Variants in KANSL2 observed in about 807,000 individuals in gnomAD.
The protein encoded by KANSL2 is NSL complex protein NSL2.
In KANSL2, 34 loss-of-function variants were observed where a neutral mutation model predicts 55.6. That is an observed-to-expected ratio of 0.61 (90% CI 0.46 to 0.81). The LOEUF is 0.81. Ranked by LOEUF, KANSL2 falls within the 40% of genes least tolerant of loss-of-function variation. The pLI is 0.00. For synonymous variants in KANSL2, 209 were observed against 214.3 expected, an observed-to-expected ratio of 0.98 and a Z score of 0.22; for missense variants, 502 against 609.9, an observed-to-expected ratio of 0.82 and a Z score of 1.86.
At chr12:48,678,284 T>C (rs1008354029) in intron 4 of KANSL2, among the ~76,000 whole-genome samples, 1 of 151,822 alleles carries the variant, frequency 6.6e-6, no homozygotes, top group Non-Finnish European at 1.5e-5. Context: ...GACTCCAGAG[T>C]GGTAATGTTT....
intron 7 of KANSL2, among the ~76,000 whole-genome samples, chr12:48,661,804 C>A (rs2137180878): frequency 6.6e-6 from 1 of 152,300 alleles, no homozygotes; most frequent in South Asian, 2.1e-4. Context: ...GGATGTATAG[C>A]AGCATTCCTG....
At chr12:48,669,075 T>C (rs1939657867) in intron 6 of KANSL2, 31 bp downstream of exon 6, 28 of 1,475,686 alleles carry the variant, frequency 1.9e-5, no homozygotes, top group Non-Finnish European at 2.3e-5. Context: ...AAAGTGAACG[T>C]ATATACCTTA....
At chr12:48,667,360 C>A in intron 7 of KANSL2, 1 of 312,564 alleles carries the variant, frequency 3.2e-6, no homozygotes, top group Non-Finnish European at 6.4e-6. Context: ...CAAGTTAAAT[C>A]AGAAACCTTG....
chr12:48,681,316 A>G, intron 2 of KANSL2, 66 bp downstream of exon 2: 1 of 1,517,934 alleles, frequency 6.6e-7, no homozygotes, highest in Non-Finnish European at 8.9e-7. Flanking sequence ...GCTATGCTGA[A>G]GCCCGCATCA....
rs1939324186 is a variant in KANSL2, at chr12:48,653,717, A to G, written c.*327T>C. 1 of 207,614 alleles carries G rather than the reference A, an allele frequency of 4.8e-6. No individual in the cohort carries two copies. The highest frequency in any genetic ancestry group is 9.5e-6 in the Non-Finnish European group (1 of 105,366). The allele number at this position is 207,614 out of a possible 1,614,324, so 12.9% of individuals were successfully genotyped here. A position where few individuals can be genotyped will look rare whatever the true frequency, so the allele number is the denominator to read the frequency against. Reference sequence around the variant, plus strand: ...AGTATCTCAAAGACACCACTCACAAAGACAGCTCCCACCTAGCTACTTAAG... The same window carrying G: ...AGTATCTCAAAGACACCACTCACAAGGACAGCTCCCACCTAGCTACTTAAG... On this transcript the variant is annotated 3_prime_UTR_variant, in exon 10 of 10. Coordinates refer to ENST00000420613, the MANE Select transcript of KANSL2 (RefSeq NM_017822.4).
At chr12:48,659,623 A>T (rs191018524) in intron 8 of KANSL2, among the ~76,000 whole-genome samples, 2,132 of 146,072 alleles carry the variant, frequency 0.015, 35 homozygotes, top group East Asian at 0.041. Context: ...ACCCCAATTT[A>T]AAAAAAAAAA....
chr12:48,663,752 CT>C (rs11288549), intron 7 of KANSL2, among the ~76,000 whole-genome samples: 1,856 of 152,174 alleles, frequency 0.012, 32 homozygotes, highest in African/African-American at 0.043. Flanking sequence ...GATAAGGCTT[CT>C]GATCAACAGT....
At chr12:48,670,372 A>G (rs1165907513) in intron 5 of KANSL2, among the ~76,000 whole-genome samples, 1 of 152,134 alleles carries the variant, frequency 6.6e-6, no homozygotes, top group Non-Finnish European at 1.5e-5. Context: ...GTTCTCTCAG[A>G]AAGTATTGCA....
chr12:48,661,706 ATAC>A (rs1476829491), intron 7 of KANSL2, among the ~76,000 whole-genome samples: 1 of 152,222 alleles, frequency 6.6e-6, no homozygotes, highest in Admixed American at 6.5e-5. Flanking sequence ...CTTTCAATGC[ATAC>A]TTGGAAATAA....
chr12:48,673,771 T>C (rs996722683), intron 4 of KANSL2, among the ~76,000 whole-genome samples: 5 of 151,714 alleles, frequency 3.3e-5, no homozygotes, highest in African/African-American at 1.2e-4. Context: ...TGTAACATGA[T>C]AAAACCCTGT....
rs558899848 is a variant in KANSL2, at chr12:48,667,554, C to G, written c.973+139G>C. 2.1e-5 allele frequency: 16 copies of G among 774,070 alleles called. No homozygotes were observed. In the South Asian group the frequency reaches 2.2e-4, roughly 10 times the overall value. The allele number at this position is 774,070 out of a possible 1,614,324, so 48.0% of individuals were successfully genotyped here. On this transcript the variant is annotated intron_variant, in intron 7 of 9. Coordinates refer to ENST00000420613, the MANE Select transcript of KANSL2 (RefSeq NM_017822.4). The stretch of plus-strand genomic sequence containing the variant: ...AATTCTTTAGGCTCCTGCTTGAAAC[C>G]AACAGCTTCAGCAAACTGCTGGCCT...
At chr12:48,670,316 T>A (rs894121029) in intron 5 of KANSL2, among the ~76,000 whole-genome samples, 1 of 151,902 alleles carries the variant, frequency 6.6e-6, no homozygotes, top group African/African-American at 2.4e-5. Context: ...TGTACTCCAC[T>A]CTATTTATTA....
At chr12:48,674,664 C>T (rs995873772) in intron 4 of KANSL2, among the ~76,000 whole-genome samples, 2 of 152,076 alleles carry the variant, frequency 1.3e-5, no homozygotes, top group African/African-American at 4.8e-5. Flanking sequence ...ATAAAACCAG[C>T]AAAGGGCCAG....
intron 8 of KANSL2, among the ~76,000 whole-genome samples, chr12:48,655,264 T>G (rs568454710): frequency 6.6e-6 from 1 of 152,020 alleles, no homozygotes; most frequent in South Asian, 2.1e-4. Context: ...GTGTAAAACA[T>G]AGACCAATAC....
At chr12:48,676,367 A>G (rs779581301) in intron 4 of KANSL2, among the ~76,000 whole-genome samples, 1 of 152,022 alleles carries the variant, frequency 6.6e-6, no homozygotes, top group Non-Finnish European at 1.5e-5. Flanking sequence ...CGACCTCCCA[A>G]AGTGCTAGGA....
intron 7 of KANSL2, among the ~76,000 whole-genome samples, chr12:48,666,651 C>G (rs1939606843): frequency 1.3e-5 from 2 of 152,072 alleles, no homozygotes; most frequent in East Asian, 3.8e-4. Flanking sequence ...CGAGATCACA[C>G]CACTGCACTC....
At position 48,679,058 on chromosome 12, in the gene KANSL2, T is replaced by C; in HGVS notation, c.523A>G (p.Ser175Gly). The change falls in exon 4 of 10, where the codon AGT becomes GGT. Residue 175 changes from serine to glycine, a missense_variant. Transcript: ENST00000420613. ...DPDSEADSID[S>G]DQEDPLKHAG... ...TACTTTAGGGGATCTTCTTGATCAC[T>C]GTCTATGCTATCAGCTTCACTGTCA... 2 of 1,613,520 alleles carry C rather than the reference T, an allele frequency of 1.2e-6. No homozygotes were observed. Among genetic ancestry groups the C allele is most frequent in the Non-Finnish European group, 1.7e-6 (2 of 1,179,458 alleles).
chr12:48,669,088 G>A lies in KANSL2; in HGVS notation c.876+18C>T, dbSNP rs533785515. 115 of 1,521,958 alleles carry A rather than the reference G, an allele frequency of 7.6e-5. 2 individuals are homozygous for A. The South Asian group carries it at 1.4e-3, about 18-fold the overall frequency. The allele number at this position is 1,521,958 out of a possible 1,614,324, so 94.3% of individuals were successfully genotyped here. A position where few individuals can be genotyped will look rare whatever the true frequency, so the allele number is the denominator to read the frequency against. On this transcript the variant is annotated intron_variant, in intron 6 of 9. Transcript: ENST00000420613. Reference sequence around the variant, plus strand: ...ATAAAGTGAACGTATATACCTTAAAGGTATACACACAAATTACCTGTTGGG... The same window carrying A: ...ATAAAGTGAACGTATATACCTTAAAAGTATACACACAAATTACCTGTTGGG...
chr12:48,675,275 G>A lies in KANSL2; in HGVS notation c.546-3313C>T, dbSNP rs140639791. Among the ~76,000 whole-genome samples, 203 of 151,914 alleles carry A rather than the reference G, an allele frequency of 1.3e-3. 1 individual carries two copies. In the Middle Eastern group the frequency reaches 0.021, roughly 15 times the overall value. ...AAAGAAATTAGCCGGGCACAGCGGCGTGCGCCTGTAGTCCCAGCTACTAGG... is the reference window on the plus strand; with the variant it reads ...AAAGAAATTAGCCGGGCACAGCGGCATGCGCCTGTAGTCCCAGCTACTAGG... On this transcript the variant is annotated intron_variant, in intron 4 of 9. Coordinates refer to ENST00000420613, the MANE Select transcript of KANSL2 (RefSeq NM_017822.4).
Sources: allele counts gnomAD v4.1 joint callset (sites outside exome capture counted in the v4.1 genomes callset), GRCh38; gene constraint gnomAD v4.1.1; transcripts MANE v1.5; gene names NCBI Gene and HGNC (gene_info 2026-07-23, HGNC 2026-07-21).